The following NOS1 variants were observed in gnomAD, a reference collection of about 807,000 sequenced individuals.
NOS1 encodes NOS type I.
Under a neutral mutation model 164.5 loss-of-function variants are expected in NOS1, and 51 were observed. The observed-to-expected ratio is 0.31, with a 90% CI of 0.25 to 0.39. The LOEUF (loss-of-function observed/expected upper bound fraction) is 0.39. NOS1 is among the 10% of genes least tolerant of loss of function. NOS1 has a pLI of 1.00. For synonymous variants in NOS1, 719 were observed against 745.8 expected (o/e 0.96, Z 0.59); for missense variants, 1,362 against 1,885.6 (o/e 0.72, Z 5.14).
At chr12:117,308,578 G>A (rs149925577) in intron 3 of NOS1, among the ~76,000 whole-genome samples, 58 of 151,508 alleles carry the variant, frequency 3.8e-4, no homozygotes, top group African/African-American at 1.2e-3. Context: ...GCGTATAGGC[G>A]CAATGTGGTC....
chr12:117,282,790 C>T (rs1228574558), intron 7 of NOS1, among the ~76,000 whole-genome samples: 2 of 152,150 alleles, frequency 1.3e-5, no homozygotes, highest in Non-Finnish European at 2.9e-5. Context: ...TCTGGTTGAA[C>T]ATCCGATAAA....
At chr12:117,219,895 TCTA>T (rs1473121261) in intron 27 of NOS1, among the ~76,000 whole-genome samples, 177 bp downstream of exon 27, 1 of 152,188 alleles carries the variant, frequency 6.6e-6, no homozygotes, top group Non-Finnish European at 1.5e-5. Flanking sequence ...CAGCCATCCT[TCTA>T]CTTTCTCTGT....
Position 117,211,424 on chromosome 12 carries a change from G to A in NOS1, c.*3885C>T, listed in dbSNP as rs1376118542. The A allele has an allele frequency of 4.1e-6, 4 of 985,306 alleles. No homozygotes were observed. The highest frequency in any genetic ancestry group is 4.8e-6 in the Non-Finnish European group (4 of 829,990). The allele number at this position is 985,306 out of a possible 1,614,324, so 61.0% of individuals were successfully genotyped here. Reference sequence around the variant, plus strand: ...CCAACAGCTCAACGGGCCATGCTCTGTACTGTGGCCAGAACTTTCTTTTCC... The same window carrying A: ...CCAACAGCTCAACGGGCCATGCTCTATACTGTGGCCAGAACTTTCTTTTCC... On this transcript the variant is annotated 3_prime_UTR_variant, in exon 29 of 29. Coordinates refer to ENST00000317775, the MANE Select transcript of NOS1 (RefSeq NM_000620.5).
chr12:117,336,807 T>A (rs1466506986), intron 1 of NOS1, among the ~76,000 whole-genome samples: 1 of 152,186 alleles, frequency 6.6e-6, no homozygotes, highest in Non-Finnish European at 1.5e-5. Context: ...TCTTCTTTCT[T>A]TTTTTGTGAG....
At chr12:117,304,492 T>A (rs1434181459) in intron 3 of NOS1, among the ~76,000 whole-genome samples, 1 of 152,126 alleles carries the variant, frequency 6.6e-6, no homozygotes, top group Non-Finnish European at 1.5e-5. Context: ...CCCACACACA[T>A]CCGTGAGGGT....
intron 3 of NOS1, among the ~76,000 whole-genome samples, chr12:117,293,293 G>T (rs558929570): frequency 1.3e-5 from 2 of 152,136 alleles, no homozygotes; most frequent in African/African-American, 4.8e-5. Context: ...CCTGGCCCTC[G>T]CCAGATCTGG....
Position 117,218,052 on chromosome 12 carries a change from G to C in NOS1, c.4283C>G (p.Thr1428Ser). The change falls in exon 28 of 29, where the codon ACC becomes AGC. Residue 1428 changes from threonine to serine, a missense_variant. Around this residue, in one of 4 missense-constraint regions of NOS1, gnomAD observed 737 missense variants for 1,030.3 expected, o/e 0.72. Coordinates refer to ENST00000317775, the MANE Select transcript of NOS1 (RefSeq NM_000620.5). ...IAFIEESKKDTDEVFSS is the reference protein window; with the variant it reads ...IAFIEESKKDSDEVFSS The stretch of plus-strand genomic sequence containing the variant: ...AGGGATGGAGCCAGCTTACTCATCG[G>C]TGTCTTTTTTGCTCTCTTCAATGAA... 1 of 1,611,434 alleles carries C rather than the reference G, an allele frequency of 6.2e-7. No homozygotes were observed. The highest frequency in any genetic ancestry group is 1.1e-5 in the South Asian group (1 of 91,010).
intron 10 of NOS1, 97 bp from the exon 11 acceptor site, chr12:117,268,241 T>C (rs1406670498): frequency 1.2e-6 from 1 of 803,848 alleles, no homozygotes; most frequent in Admixed American, 2.3e-5. Flanking sequence ...ATTTCTTTTC[T>C]TTTTTTTTAA....
intron 17 of NOS1, among the ~76,000 whole-genome samples, chr12:117,247,951 A>G (rs1019050111): frequency 1.3e-5 from 2 of 150,654 alleles, no homozygotes; most frequent in African/African-American, 4.9e-5. Flanking sequence ...GTCTAAAAAA[A>G]AAAAAAAAAG....
intron 1 of NOS1, among the ~76,000 whole-genome samples, chr12:117,348,915 G>C (rs1237383303): frequency 6.6e-6 from 1 of 152,172 alleles, no homozygotes; most frequent in East Asian, 1.9e-4. Flanking sequence ...AATTCGAATA[G>C]GGTCTGTCGT....
intron 1 of NOS1, among the ~76,000 whole-genome samples, chr12:117,353,127 C>T (rs4767532): frequency 0.17 from 25,446 of 151,898 alleles, 2,757 homozygotes; most frequent in East Asian, 0.39. Flanking sequence ...CATTCATGTA[C>T]CTATCTATCT....
intron 3 of NOS1, among the ~76,000 whole-genome samples, chr12:117,299,635 CAAAAAAAAAAAAAAG>C (rs1416918741): frequency 0.012 from 1,085 of 89,302 alleles, 23 homozygotes; most frequent in African/African-American, 0.043. Context: ...ACTTTGTCTC[CAAAAAAAAAAAAAAG>C]AAAAAAAGAA....
At chr12:117,283,184 C>T (rs1217370931) in intron 7 of NOS1, among the ~76,000 whole-genome samples, 1 of 151,844 alleles carries the variant, frequency 6.6e-6, no homozygotes, top group Non-Finnish European at 1.5e-5. Flanking sequence ...CCTCAGCCTC[C>T]CAAGTAGCTG....
intron 10 of NOS1, among the ~76,000 whole-genome samples, chr12:117,271,209 C>T (rs2135996369): frequency 6.6e-6 from 1 of 152,240 alleles, no homozygotes; most frequent in Admixed American, 6.5e-5. Flanking sequence ...CGAAGCCCCC[C>T]AGATACCCTC....
intron 2 of NOS1, among the ~76,000 whole-genome samples, chr12:117,322,393 CTT>C (rs1267142870): frequency 2.2e-5 from 3 of 133,924 alleles, no homozygotes; most frequent in Non-Finnish European, 4.8e-5. Flanking sequence ...TTCGTTCTCT[CTT>C]CTTTCCCTTC....
At position 117,352,043 on chromosome 12, in the gene NOS1, C is replaced by G. The variant is rs530711179; in HGVS notation, c.-421+9469G>C. On this transcript the variant is annotated intron_variant, in intron 1 of 28. Transcript: ENST00000317775. ...AAAAAATTAGCCAGGTGTGGTGGTG[C>G]ACACCTGTAGTCCCAGCTACTCAGG... Among the ~76,000 whole-genome samples the G allele has an allele frequency of 3.3e-5, 5 of 152,226 alleles. No individual in the cohort carries two copies. The East Asian group carries it at 7.8e-4, about 24-fold the overall frequency.
chr12:117,241,170 C>G (rs764759488), intron 20 of NOS1, among the ~76,000 whole-genome samples: 14 of 151,996 alleles, frequency 9.2e-5, no homozygotes, highest in Admixed American at 2.0e-4. Context: ...GAACTCCTGA[C>G]CTCGTGATCC....
chr12:117,251,974 C>A (rs891247652), intron 17 of NOS1, among the ~76,000 whole-genome samples: 1 of 152,146 alleles, frequency 6.6e-6, no homozygotes, highest in Non-Finnish European at 1.5e-5. Flanking sequence ...CCCAAATGAT[C>A]TGCCTGTCTT....
intron 7 of NOS1, among the ~76,000 whole-genome samples, chr12:117,281,173 A>G (rs1475290691): frequency 6.6e-6 from 1 of 152,178 alleles, no homozygotes; most frequent in Non-Finnish European, 1.5e-5. Context: ...TCTTCCAAAG[A>G]GTTCTTTTGC....
Sources: gnomAD v4.1 joint callset for allele counts (sites outside exome capture counted in the v4.1 genomes callset) on GRCh38, gnomAD v4.1.1 for gene constraint, gnomAD v4.1.1 regional missense constraint, MANE v1.5 for transcripts, NCBI Gene and HGNC (gene_info 2026-07-23, HGNC 2026-07-21) for gene names.